Variants in PHAX observed in about 807,000 individuals in gnomAD.
PHAX encodes the protein phosphorylated adaptor for RNA export.
A neutral mutation model predicts 41.6 loss-of-function variants in PHAX; 31 were observed. The observed-to-expected ratio is 0.75, with a 90% CI of 0.56 to 1.01. PHAX has a LOEUF of 1.01. Ranked by LOEUF, PHAX falls within the 50% of genes least tolerant of loss-of-function variation. The probability of loss-of-function intolerance (pLI) is 0.00; values close to 1 mark genes in which losing one functional copy is unlikely to be tolerated. For synonymous variants in PHAX, 175 were observed against 164.9 expected (o/e 1.06, Z -0.47); for missense variants, 453 against 472.9 (o/e 0.96, Z 0.39).
chr5:126,603,793 CT>C lies in PHAX; in HGVS notation c.321del (p.Val108LeufsTer64). 1.2e-6 allele frequency: 2 copies of C among 1,614,158 alleles called. No homozygotes were observed. Among genetic ancestry groups the C allele is most frequent in the Non-Finnish European group, 1.7e-6 (2 of 1,180,022 alleles). On this transcript the variant is annotated frameshift_variant, in exon 2 of 5. Coordinates refer to ENST00000297540, the MANE Select transcript of PHAX (RefSeq NM_032177.4). LOFTEE classifies it high-confidence loss of function. Reference sequence around the variant, plus strand: ...TTTGGCCAGAGCAGTCAGAAACCACCTGTTGCTGGAGGAAAGAAGATTAACA... The same window carrying C: ...TTTGGCCAGAGCAGTCAGAAACCACCGTTGCTGGAGGAAAGAAGATTAACA... The part of the protein sequence containing the change: ...FQFGQSSQKP[P>X]VAGGKKINNI...
chr5:126,622,203 G>A (rs1488858017), intron 4 of PHAX, among the ~76,000 whole-genome samples: 6 of 151,880 alleles, frequency 4.0e-5, no homozygotes, highest in Admixed American at 2.0e-4. Context: ...GCGCGCTCTC[G>A]GCTCACTGCA....
rs139049301 is a variant in PHAX at position 126,616,566 on chromosome 5, A to G, written c.832-684A>G. ...ATACTGTTTTAATTATTTAGAGTTT[A>G]TGATGTGTTTTAACATCTAATAGAA... On this transcript the variant is annotated intron_variant, in intron 3 of 4. Transcript: ENST00000297540. Among the ~76,000 whole-genome samples the G allele has an allele frequency of 4.2e-3, 645 of 152,174 alleles. 9 individuals are homozygous for G. Among genetic ancestry groups the G allele is most frequent in the African/African-American group, 0.015 (618 of 41,488 alleles).
intron 4 of PHAX, among the ~76,000 whole-genome samples, chr5:126,624,272 G>A (rs892355108): frequency 6.6e-6 from 1 of 152,092 alleles, no homozygotes; most frequent in East Asian, 1.9e-4. Context: ...GCCTCCCAAA[G>A]TGCTGGGATT....
intron 1 of PHAX, among the ~76,000 whole-genome samples, chr5:126,603,212 A>G (rs1015382878): frequency 1.3e-5 from 2 of 149,530 alleles, no homozygotes; most frequent in South Asian, 4.3e-4. Flanking sequence ...CCTCGGCCAC[A>G]GAACAAAACT....
intron 1 of PHAX, among the ~76,000 whole-genome samples, chr5:126,602,196 C>T (rs1034096223): frequency 6.6e-5 from 10 of 152,258 alleles, no homozygotes; most frequent in Middle Eastern, 3.2e-3. Flanking sequence ...ATCCACCCGC[C>T]TCGGCCTCCC....
chr5:126,604,603 C>T (rs890437125), intron 2 of PHAX, among the ~76,000 whole-genome samples: 4 of 152,086 alleles, frequency 2.6e-5, no homozygotes, highest in African/African-American at 9.7e-5. Context: ...AAGGATCTCA[C>T]TCTTGCCCAG....
In PHAX at chr5:126,607,388, C is replaced by CTTTT. The variant is rs58375322; in HGVS notation, c.711-952_711-949dup. On this transcript the variant is annotated intron_variant, in intron 2 of 4. Transcript: ENST00000297540. ...AAACAAAGGGTGCCAGGTCTGAATT[C>CTTTT]TTTTTTTTTTTTTTTTTTTTTTTTT... is the stretch of plus-strand genomic sequence containing the variant. Among the ~76,000 whole-genome samples the CTTTT allele has an allele frequency of 2.7e-4, 23 of 85,402 alleles. 1 individual carries two copies. The highest frequency in any genetic ancestry group is 7.0e-4 in the African/African-American group (14 of 19,896). 56.0% of individuals were successfully genotyped at this position (85,402 alleles called of 152,430 possible). A position where few individuals can be genotyped will look rare whatever the true frequency, so the allele number is the denominator to read the frequency against.
chr5:126,616,149 A>G (rs1752180972), intron 3 of PHAX, among the ~76,000 whole-genome samples: 1 of 151,466 alleles, frequency 6.6e-6, no homozygotes, highest in African/African-American at 2.4e-5. Flanking sequence ...CTAGAGTGCA[A>G]TGGCACAGTC....
rs372704366 is a variant in PHAX, at chr5:126,624,890, T to C, written c.*46T>C. 1.3e-6 allele frequency: 2 copies of C among 1,527,340 alleles called. No homozygotes were observed. The highest frequency in any genetic ancestry group is 1.8e-6 in the Non-Finnish European group (2 of 1,134,052). 94.6% of individuals were successfully genotyped at this position (1,527,340 alleles called of 1,614,324 possible). A position where few individuals can be genotyped will look rare whatever the true frequency, so the allele number is the denominator to read the frequency against. ...GGACTAAGCCTTTCTAAAATAACAT[T>C]GTAATAAACCATTTTTACTGAGATT... On this transcript the variant is annotated 3_prime_UTR_variant, in exon 5 of 5. Coordinates refer to ENST00000297540, the MANE Select transcript of PHAX (RefSeq NM_032177.4).
intron 4 of PHAX, among the ~76,000 whole-genome samples, chr5:126,622,041 C>T (rs993482989): frequency 6.6e-6 from 1 of 152,068 alleles, no homozygotes; most frequent in Non-Finnish European, 1.5e-5. Context: ...GATCTTGGCT[C>T]ATCCTGGGTT....
Position 126,604,032 on chromosome 5 carries a change from T to C in PHAX, c.559T>C (p.Ser187Pro). The C allele has an allele frequency of 6.2e-7, 1 of 1,613,488 alleles. No homozygotes were observed. The highest frequency in any genetic ancestry group is 1.3e-5 in the African/African-American group (1 of 74,798). Residue 187 changes from serine to proline, a missense_variant, in exon 2 of 5, where the codon TCA becomes CCA. Coordinates refer to ENST00000297540, the MANE Select transcript of PHAX (RefSeq NM_032177.4). ...EYMHGGKKMG[S>P]KEEENGQGHL... ...TATGCATGGTGGCAAAAAAATGGGA[T>C]CAAAGGAAGAGGAAAATGGGCAAGG...
chr5:126,614,214 C>T (rs1352033551), intron 3 of PHAX, among the ~76,000 whole-genome samples: 2 of 151,984 alleles, frequency 1.3e-5, no homozygotes, highest in African/African-American at 4.8e-5. Context: ...TTCTCCTGCC[C>T]TCAGCCTTCT....
chr5:126,610,636 A>G (rs1460120788), intron 3 of PHAX, among the ~76,000 whole-genome samples: 1 of 152,222 alleles, frequency 6.6e-6, no homozygotes, highest in Non-Finnish European at 1.5e-5. Flanking sequence ...GTAGTGATAA[A>G]ACTTTATATT....
At chr5:126,615,177 T>A (rs1324026839) in intron 3 of PHAX, among the ~76,000 whole-genome samples, 7 of 152,190 alleles carry the variant, frequency 4.6e-5, no homozygotes, top group Admixed American at 4.6e-4. Flanking sequence ...TCATTCTTTT[T>A]TGCAGTTGCT....
At chr5:126,611,411 C>CA (rs1262119740) in intron 3 of PHAX, among the ~76,000 whole-genome samples, 1 of 152,168 alleles carries the variant, frequency 6.6e-6, no homozygotes, top group Non-Finnish European at 1.5e-5. Context: ...TTCTACGTGC[C>CA]AGGCACTGTT....
chr5:126,604,234 A>C (rs766003658), intron 2 of PHAX, 51 bp downstream of exon 2: 1 of 1,444,750 alleles, frequency 6.9e-7, no homozygotes, highest in Admixed American at 2.3e-5. Flanking sequence ...TTCTATTTAC[A>C]GGAAATAAAA....
In PHAX at chr5:126,617,497, G is replaced by T. The variant is rs537394801; in HGVS notation, c.915+164G>T. Among the ~76,000 whole-genome samples the T allele has an allele frequency of 1.3e-4, 19 of 150,492 alleles. No individual in the cohort carries two copies. In the South Asian group the frequency reaches 3.8e-3, roughly 30 times the overall value. ...GCCTTTTATTTATTTATTTATTTTT[G>T]AGGCGGAGTCTCACTCTGTCACCCA... On this transcript the variant is annotated intron_variant, in intron 4 of 4. Transcript: ENST00000297540.
At chr5:126,608,276 C>G (rs1190885870) in intron 2 of PHAX, 88 bp from the exon 3 acceptor site, 11 of 1,432,278 alleles carry the variant, frequency 7.7e-6, no homozygotes, top group Admixed American at 2.3e-5. Flanking sequence ...TTACTAGAAT[C>G]AGATTTTTAT....
At chr5:126,603,283 A>G (rs1315990785) in intron 1 of PHAX, among the ~76,000 whole-genome samples, 1 of 152,314 alleles carries the variant, frequency 6.6e-6, no homozygotes, top group African/African-American at 2.4e-5. Context: ...TTCTGACAGT[A>G]ACTGAAAAGT....
Sources: allele counts gnomAD v4.1 joint callset (sites outside exome capture counted in the v4.1 genomes callset), GRCh38; gene constraint gnomAD v4.1.1; transcripts MANE v1.5; gene names NCBI Gene and HGNC (gene_info 2026-07-23, HGNC 2026-07-21).